The following DPP6 variants were observed in gnomAD, a reference collection of about 807,000 sequenced individuals.
The protein encoded by DPP6 is dipeptidyl peptidase like 6, also known as A-type potassium channel modulatory protein DPP6.
DPP6 carries 69 observed loss-of-function variants against 122.6 expected under a neutral mutation model. That is an observed-to-expected ratio of 0.56 (90% confidence interval 0.46 to 0.69). The LOEUF is 0.69. DPP6 is among the 30% of genes least tolerant of loss of function. The pLI is 0.00. For synonymous variants in DPP6, 418 were observed against 433.1 expected (o/e 0.97, Z 0.43); for missense variants, 928 against 1,116.9 (o/e 0.83, Z 2.41).
At chr7:153,971,835 C>G (rs984987927) in intron 1 of DPP6, among the ~76,000 whole-genome samples, 1 of 143,240 alleles carries the variant, frequency 7.0e-6, no homozygotes, top group African/African-American at 2.6e-5. Context: ...CTAGCTTTAC[C>G]GAACTCCTGG....
intron 20 of DPP6, among the ~76,000 whole-genome samples, chr7:154,879,080 A>G (rs1805122893): frequency 6.6e-6 from 1 of 152,188 alleles, no homozygotes; most frequent in Non-Finnish European, 1.5e-5. Context: ...ATCAGCCCAG[A>G]GAGGGTCCCA....
intron 8 of DPP6, among the ~76,000 whole-genome samples, chr7:154,739,904 C>T (rs1842740958): frequency 6.6e-6 from 1 of 152,216 alleles, no homozygotes; most frequent in South Asian, 2.1e-4. Context: ...CCGCAAACCT[C>T]TAGTTCTCAG....
intron 1 of DPP6, among the ~76,000 whole-genome samples, chr7:154,062,806 G>T (rs1334717756): frequency 8.5e-6 from 1 of 117,496 alleles, no homozygotes; most frequent in Non-Finnish European, 1.8e-5. Context: ...GACCCCCATC[G>T]CAGAGGGGGG....
intron 1 of DPP6, among the ~76,000 whole-genome samples, chr7:153,989,242 T>C (rs1197239641): frequency 1.5e-5 from 2 of 132,962 alleles, no homozygotes; most frequent in Non-Finnish European, 3.2e-5. Flanking sequence ...TGTCACAGTG[T>C]GTGTCACTGA....
chr7:153,818,922 T>C, the DPP6 span, among the ~76,000 whole-genome samples: 1 of 151,798 alleles, frequency 6.6e-6, no homozygotes, highest in East Asian at 1.9e-4. Context: ...TGGCTAATTT[T>C]TGTATTTTTA....
intron 8 of DPP6, among the ~76,000 whole-genome samples, chr7:154,767,629 A>C (rs1795989926): frequency 1.3e-5 from 2 of 152,224 alleles, no homozygotes; most frequent in Admixed American, 1.3e-4. Context: ...GCTGTGAGAC[A>C]GACGCAGAGG....
the DPP6 span, among the ~76,000 whole-genome samples, chr7:153,877,499 G>T: frequency 2.0e-5 from 3 of 152,146 alleles, no homozygotes; most frequent in South Asian, 6.2e-4. Context: ...CGTGAGAACT[G>T]CATTGTGCTA....
chr7:154,542,685 C>T (rs1272184573), intron 4 of DPP6, among the ~76,000 whole-genome samples: 1 of 152,132 alleles, frequency 6.6e-6, no homozygotes, highest in Non-Finnish European at 1.5e-5. Context: ...ACTTTTCCAT[C>T]CATTTTATAA....
chr7:153,780,619 A>T, the DPP6 span, among the ~76,000 whole-genome samples: 1 of 152,168 alleles, frequency 6.6e-6, no homozygotes, highest in African/African-American at 2.4e-5. Flanking sequence ...TGGGATAAGT[A>T]TTGTGATTGG....
intron 5 of DPP6, among the ~76,000 whole-genome samples, chr7:154,633,280 A>G (rs994234486): frequency 6.6e-6 from 1 of 152,064 alleles, no homozygotes; most frequent in African/African-American, 2.4e-5. Flanking sequence ...TCTGTGGCCC[A>G]GGCTGAAGTG....
chr7:153,896,995 T>G (rs1450185842), intron 1 of DPP6, among the ~76,000 whole-genome samples: 1 of 146,680 alleles, frequency 6.8e-6, no homozygotes, highest in African/African-American at 2.7e-5. Context: ...TGTGCATCTA[T>G]TTTTTTAAGA....
intron 1 of DPP6, among the ~76,000 whole-genome samples, chr7:154,084,891 G>A (rs1439790571): frequency 1.3e-5 from 2 of 150,324 alleles, no homozygotes; most frequent in African/African-American, 4.9e-5. Flanking sequence ...TTGGGAGGCT[G>A]AGGCAGGAGA....
chr7:154,672,228 G>A (rs1430152927), intron 7 of DPP6, among the ~76,000 whole-genome samples: 1 of 152,090 alleles, frequency 6.6e-6, no homozygotes, highest in Admixed American at 6.6e-5. Flanking sequence ...AGTCTCCTGA[G>A]GCCTCCCCAG....
chr7:153,978,016 G>A (rs1314193750), intron 1 of DPP6, among the ~76,000 whole-genome samples: 3 of 151,974 alleles, frequency 2.0e-5, no homozygotes, highest in African/African-American at 4.8e-5. Context: ...ATAAATATAC[G>A]TGTGCATGTG....
intron 7 of DPP6, among the ~76,000 whole-genome samples, chr7:154,717,095 T>A (rs1180552227): frequency 6.6e-6 from 1 of 152,168 alleles, no homozygotes; most frequent in Non-Finnish European, 1.5e-5. Context: ...CCTCCCAAAG[T>A]GCTGGGATTA....
chr7:154,061,584 C>T (rs1198260083), intron 1 of DPP6, among the ~76,000 whole-genome samples: 1 of 146,140 alleles, frequency 6.8e-6, no homozygotes, highest in Non-Finnish European at 1.5e-5. Context: ...GATCCATCCC[C>T]TCTTCCCCCC....
intron 1 of DPP6, among the ~76,000 whole-genome samples, chr7:154,022,566 C>T (rs1042364796): frequency 6.6e-6 from 1 of 152,168 alleles, no homozygotes; most frequent in African/African-American, 2.4e-5. Context: ...GCATGTCCCC[C>T]TTCCTGCCAT....
intron 1 of DPP6, among the ~76,000 whole-genome samples, chr7:154,354,218 A>C (rs1350201614): frequency 6.6e-6 from 1 of 152,236 alleles, no homozygotes; most frequent in Non-Finnish European, 1.5e-5. Flanking sequence ...TGGTGTTTCT[A>C]GTCGTCTCAA....
intron 1 of DPP6, among the ~76,000 whole-genome samples, chr7:153,979,700 T>A (rs964270765): frequency 6.6e-6 from 1 of 152,240 alleles, no homozygotes; most frequent in Non-Finnish European, 1.5e-5. Context: ...ATAGCTCTTA[T>A]TATTTTGAGA....
Sources: gnomAD v4.1 joint callset for allele counts (sites outside exome capture counted in the v4.1 genomes callset) on GRCh38, gnomAD v4.1.1 for gene constraint, MANE v1.5 for transcripts, NCBI Gene and HGNC (gene_info 2026-07-23, HGNC 2026-07-21) for gene names.